Variants in HCRTR2 observed in about 807,000 individuals in gnomAD.
HCRTR2 encodes the protein hypocretin receptor 2.
HCRTR2 carries 22 observed loss-of-function variants against 49.0 expected under a neutral mutation model. The ratio of observed to expected loss-of-function variants is 0.45; its 90% CI spans 0.32 to 0.64. The LOEUF (loss-of-function observed/expected upper bound fraction) is 0.64. Ranked by LOEUF, HCRTR2 falls within the 30% of genes least tolerant of loss-of-function variation. The pLI, the probability that HCRTR2 is intolerant of heterozygous loss-of-function variation, is 0.04. For missense variants in HCRTR2, 491 were observed against 559.4 expected (o/e 0.88, Z 1.23); for synonymous variants, 236 against 205.3 (o/e 1.15, Z -1.28).
chr6:55,282,122 A>T (rs1306928407), intron 6 of HCRTR2, 103 bp from the exon 7 acceptor site: 64 of 796,456 alleles, frequency 8.0e-5, no homozygotes, highest in Non-Finnish European at 6.3e-5. Flanking sequence ...ATTACACCTC[A>T]TTGTTAGTTT....
At chr6:55,266,179 T>C (rs920659710) in intron 4 of HCRTR2, among the ~76,000 whole-genome samples, 17 of 152,192 alleles carry the variant, frequency 1.1e-4, no homozygotes, top group Non-Finnish European at 2.5e-4. Context: ...TAATTGTACT[T>C]ACATTTAAAT....
chr6:55,245,469 T>TTATATATATATATATATATA (rs745939954), intron 1 of HCRTR2, among the ~76,000 whole-genome samples: 61 of 56,720 alleles, frequency 1.1e-3, no homozygotes, highest in African/African-American at 2.4e-3. Context: ...TAGGAAGATT[T>TTATATATATATATATATATA]TATATATATA....
intron 2 of HCRTR2, among the ~76,000 whole-genome samples, chr6:55,252,536 G>A (rs188713658): frequency 7.9e-5 from 12 of 152,200 alleles, no homozygotes; most frequent in Middle Eastern, 3.4e-3. Context: ...TCCCAGGTTA[G>A]CAATGGTATT....
intron 1 of HCRTR2, among the ~76,000 whole-genome samples, chr6:55,239,973 C>A (rs1397321259): frequency 2.6e-5 from 4 of 151,794 alleles, no homozygotes; most frequent in African/African-American, 9.7e-5. Flanking sequence ...GATGGGGTTT[C>A]GCCATGTTGG....
chr6:55,112,705 G>T (rs1014468150), intron 1 of HCRTR2, among the ~76,000 whole-genome samples: 7 of 151,958 alleles, frequency 4.6e-5, no homozygotes, highest in African/African-American at 1.7e-4. Flanking sequence ...TTGTGAAAAT[G>T]ACAATACTGC....
chr6:55,203,724 T>G (rs1339932770), intron 1 of HCRTR2, among the ~76,000 whole-genome samples: 1 of 152,050 alleles, frequency 6.6e-6, no homozygotes, highest in African/African-American at 2.4e-5. Flanking sequence ...ATTTCCAATA[T>G]AAGTAACAGC....
At chr6:55,269,870 A>G (rs994662088) in intron 4 of HCRTR2, among the ~76,000 whole-genome samples, 2 of 152,158 alleles carry the variant, frequency 1.3e-5, no homozygotes, top group Admixed American at 1.3e-4. Context: ...AAGCTGAGGC[A>G]TGAGAATCAT....
In HCRTR2 at chr6:55,245,641, G is replaced by T. The variant is rs1488210600; in HGVS notation, c.224-2998G>T. Among the ~76,000 whole-genome samples, 3 of 151,214 alleles carry T rather than the reference G, an allele frequency of 2.0e-5. No individual in the cohort carries two copies. In the South Asian group the frequency reaches 6.2e-4, roughly 31 times the overall value. The stretch of plus-strand genomic sequence containing the variant: ...GATTGCACCTGGAGAAATGATTGCA[G>T]GTATGGATAGCTCACTTAGAGCTAT... On this transcript the variant is annotated intron_variant, in intron 1 of 6. Transcript: ENST00000370862.
chr6:55,225,938 T>A (rs1765995486), intron 1 of HCRTR2, among the ~76,000 whole-genome samples: 1 of 152,226 alleles, frequency 6.6e-6, no homozygotes, highest in Admixed American at 6.5e-5. Context: ...TTTCAAAATC[T>A]TTTCATTTGG....
intron 1 of HCRTR2, among the ~76,000 whole-genome samples, chr6:55,162,088 A>C (rs576196752): frequency 1.3e-5 from 2 of 152,220 alleles, no homozygotes; most frequent in African/African-American, 4.8e-5. Flanking sequence ...AAAATCCTCA[A>C]TAAAATACTG....
At position 55,183,343 on chromosome 6, in the gene HCRTR2, A is replaced by G. The variant is rs764759438; in HGVS notation, c.223+8533A>G. On this transcript the variant is annotated intron_variant, in intron 1 of 6. Transcript: ENST00000370862. The stretch of plus-strand genomic sequence containing the variant: ...AAAATTGGGTAAGGATGTTCTAAGC[A>G]GAGGAAACAACATAAGCAAAATCAA... 6.0e-4 allele frequency among the ~76,000 whole-genome samples: 91 copies of G among 152,250 alleles called. 1 individual carries two copies. Among genetic ancestry groups the G allele is most frequent in the Non-Finnish European group, 8.1e-4 (55 of 68,054 alleles).
intron 1 of HCRTR2, among the ~76,000 whole-genome samples, chr6:55,124,011 CTCTTT>C (rs549045940): frequency 2.1e-4 from 32 of 152,118 alleles, no homozygotes; most frequent in Middle Eastern, 6.8e-3. Flanking sequence ...TGATTCTTCT[CTCTTT>C]TCTTCTTTGT....
chr6:55,139,408 T>G (rs1346730359), intron 1 of HCRTR2, among the ~76,000 whole-genome samples: 1 of 151,258 alleles, frequency 6.6e-6, no homozygotes, highest in Non-Finnish European at 1.5e-5. Context: ...CTATCTGAGA[T>G]TCAATTATTG....
rs537955785 is a variant in HCRTR2 at position 55,122,983 on chromosome 6, G to T, written c.-378+16438G>T. On this transcript the variant is annotated intron_variant, in intron 1 of 7. Coordinates refer to the HCRTR2 transcript ENST00000615358. Reference sequence around the variant, plus strand: ...GGCCTGTTGTGGGGTGGGGGGAGGGGGAAGGGATAGCATTAGGAGATATAC... The same window carrying T: ...GGCCTGTTGTGGGGTGGGGGGAGGGTGAAGGGATAGCATTAGGAGATATAC... 7.5e-5 allele frequency among the ~76,000 whole-genome samples: 9 copies of T among 120,538 alleles called. No homozygotes were observed. In the South Asian group the frequency reaches 2.9e-3, roughly 39 times the overall value. The allele number at this position is 120,538 out of a possible 152,430, so 79.1% of individuals were successfully genotyped here.
At position 55,255,206 on chromosome 6, in the gene HCRTR2, A is replaced by G; in HGVS notation, c.473A>G (p.His158Arg). ...TTGGATCGGTGGTATGCAATCTGTC[A>G]CCCTTTGATGTTTAAGAGCACAGCA... ...IALDRWYAIC[H>R]PLMFKSTAKR... The change falls in exon 3 of 7, where the codon CAC becomes CGC. Residue 158 changes from histidine to arginine, a missense_variant. Coordinates refer to ENST00000370862, the MANE Select transcript of HCRTR2 (RefSeq NM_001384272.1). The G allele has an allele frequency of 6.2e-7, 1 of 1,613,804 alleles. No homozygotes were observed. Among genetic ancestry groups the G allele is most frequent in the Non-Finnish European group, 8.5e-7 (1 of 1,179,934 alleles).
intron 1 of HCRTR2, among the ~76,000 whole-genome samples, chr6:55,154,699 G>T (rs201549901): frequency 6.8e-6 from 1 of 146,792 alleles, no homozygotes; most frequent in Non-Finnish European, 1.5e-5. Flanking sequence ...TAAATAAATA[G>T]ATAAATAAAT....
chr6:55,188,146 G>A (rs371160013), intron 1 of HCRTR2, among the ~76,000 whole-genome samples: 19 of 152,260 alleles, frequency 1.2e-4, no homozygotes, highest in South Asian at 2.1e-4. Flanking sequence ...GCTAGTCTGC[G>A]TAGCAAATTG....
At chr6:55,199,903 A>G (rs915103097) in intron 1 of HCRTR2, among the ~76,000 whole-genome samples, 1 of 152,182 alleles carries the variant, frequency 6.6e-6, no homozygotes, top group African/African-American at 2.4e-5. Context: ...ACTGCATACT[A>G]TCAATGTGCC....
chr6:55,240,699 T>A, intron 1 of HCRTR2: 1 of 317,460 alleles, frequency 3.1e-6, no homozygotes, highest in Admixed American at 3.9e-5. Flanking sequence ...GTGGAGAGTT[T>A]GTTTTACCTT....
Sources: allele counts gnomAD v4.1 joint callset (sites outside exome capture counted in the v4.1 genomes callset), GRCh38; gene constraint gnomAD v4.1.1; transcripts MANE v1.5; gene names NCBI Gene and HGNC (gene_info 2026-07-23, HGNC 2026-07-21).